The following CSMD1 variants were observed in gnomAD, a reference collection of about 807,000 sequenced individuals.
CSMD1 encodes the protein CUB and Sushi multiple domains 1.
Under a neutral mutation model 417.5 loss-of-function variants are expected in CSMD1, and 213 were observed. The observed-to-expected ratio is 0.51, with a 90% CI of 0.46 to 0.57. The LOEUF is 0.57. Among genes scored for constraint, CSMD1 ranks in the 20% least tolerant of loss-of-function variants. The pLI is 0.00. For synonymous variants in CSMD1, 2,862 were observed against 1,736.8 expected (o/e 1.65, Z -16.11); for missense variants, 6,923 against 4,529.7 (o/e 1.53, Z -15.17).
In CSMD1 at chr8:3,998,075, T is replaced by G. The variant is rs1309353139; in HGVS notation, c.646A>C (p.Ser216Arg). 1 of 1,587,130 alleles carries G rather than the reference T, an allele frequency of 6.3e-7. No homozygotes were observed. The highest frequency in any genetic ancestry group is 2.3e-5 in the East Asian group (1 of 43,678). Residue 216 changes from serine to arginine, a missense_variant, in exon 5 of 70, where the codon AGC (serine) becomes CGC (arginine). Coordinates refer to ENST00000635120, the MANE Select transcript of CSMD1 (RefSeq NM_033225.6). Reference protein sequence around the residue: ...GACGGTLRGTSSSISSPHFPS... With the variant: ...GACGGTLRGTRSSISSPHFPS... ...AAGTGCGGGCTGGAGATGGAGCTGC[T>G]GGTCCCGCGTAAGGTTCCTCCGCAG...
chr8:3,332,856 C>G (rs1484729056), intron 23 of CSMD1, among the ~76,000 whole-genome samples: 2 of 152,186 alleles, frequency 1.3e-5, no homozygotes, highest in Non-Finnish European at 2.9e-5. Context: ...AGTGTGGGCA[C>G]AGTCTGTGAC....
intron 5 of CSMD1, among the ~76,000 whole-genome samples, chr8:3,972,894 T>G (rs1393547086): frequency 6.6e-6 from 1 of 152,074 alleles, no homozygotes; most frequent in East Asian, 1.9e-4. Flanking sequence ...CATCAAAATG[T>G]AAAAATGGAA....
At chr8:4,819,101 T>C (rs1799373447) in intron 1 of CSMD1, among the ~76,000 whole-genome samples, 1 of 152,242 alleles carries the variant, frequency 6.6e-6, no homozygotes, top group Admixed American at 6.5e-5. Context: ...CACTTGCTGC[T>C]ATTCTATCGA....
chr8:3,882,518 C>T (rs868460874), intron 5 of CSMD1, among the ~76,000 whole-genome samples: 2 of 152,192 alleles, frequency 1.3e-5, no homozygotes, highest in South Asian at 2.1e-4. Flanking sequence ...CGGTTGAGCA[C>T]ATGCATACAC....
At chr8:3,894,709 A>G (rs1290615786) in intron 5 of CSMD1, among the ~76,000 whole-genome samples, 1 of 152,200 alleles carries the variant, frequency 6.6e-6, no homozygotes, top group Admixed American at 6.5e-5. Context: ...GCCTCCAACT[A>G]TATGAATTAG....
intron 7 of CSMD1, among the ~76,000 whole-genome samples, chr8:3,676,262 G>A (rs1310314011): frequency 6.6e-6 from 1 of 152,058 alleles, no homozygotes; most frequent in East Asian, 1.9e-4. Context: ...TTTGATCCCT[G>A]GCCCTAAGTA....
At chr8:4,934,514 G>C (rs1308885546) in intron 1 of CSMD1, among the ~76,000 whole-genome samples, 1 of 152,074 alleles carries the variant, frequency 6.6e-6, no homozygotes, top group African/African-American at 2.4e-5. Flanking sequence ...GAGAGCTTCC[G>C]GGGCTTTGAG....
At chr8:4,446,343 T>C (rs1486392844) in intron 2 of CSMD1, among the ~76,000 whole-genome samples, 1 of 151,768 alleles carries the variant, frequency 6.6e-6, no homozygotes, top group Non-Finnish European at 1.5e-5. Flanking sequence ...AGCCCAGGAG[T>C]TTGAAACCAG....
intron 2 of CSMD1, among the ~76,000 whole-genome samples, chr8:4,527,265 T>G (rs2130433064): frequency 6.6e-6 from 1 of 152,330 alleles, no homozygotes; most frequent in Non-Finnish European, 1.5e-5. Context: ...GAGTCTTTTT[T>G]GTAGCATTTA....
intron 3 of CSMD1, among the ~76,000 whole-genome samples, chr8:4,065,122 G>C (rs969244071): frequency 1.3e-4 from 20 of 152,102 alleles, no homozygotes; most frequent in African/African-American, 4.8e-4. Context: ...TCTAGTTTAT[G>C]TTTTTAGAGT....
Position 3,775,781 on chromosome 8 carries a change from C to T in CSMD1, c.819-21739G>A, listed in dbSNP as rs997051265. 5.3e-5 allele frequency among the ~76,000 whole-genome samples: 8 copies of T among 152,196 alleles called. No homozygotes were observed. The South Asian group carries it at 8.3e-4, about 16-fold the overall frequency. On this transcript the variant is annotated intron_variant, in intron 5 of 69. Coordinates refer to ENST00000635120, the MANE Select transcript of CSMD1 (RefSeq NM_033225.6). ...ACTGCCTTAATCTACAAAAGGTCCA[C>T]GAAGCATTGCTGGGTGCTGATGTCA...
At chr8:3,890,254 C>T (rs1806870449) in intron 5 of CSMD1, among the ~76,000 whole-genome samples, 1 of 152,008 alleles carries the variant, frequency 6.6e-6, no homozygotes, top group African/African-American at 2.4e-5. Flanking sequence ...TTCAAACTTG[C>T]AAAGAAACAT....
chr8:3,115,072 G>T (rs1816781253), intron 42 of CSMD1, among the ~76,000 whole-genome samples: 2 of 151,858 alleles, frequency 1.3e-5, no homozygotes, highest in Admixed American at 1.3e-4. Context: ...GATTAATTAG[G>T]TCAGCAAAAT....
chr8:3,872,367 G>A (rs187003674), intron 5 of CSMD1, among the ~76,000 whole-genome samples: 1 of 152,296 alleles, frequency 6.6e-6, no homozygotes. Flanking sequence ...GTGTTGGCAA[G>A]ATGTCCCTGC....
chr8:4,355,712 G>A (rs569326705), intron 3 of CSMD1, among the ~76,000 whole-genome samples: 55 of 152,130 alleles, frequency 3.6e-4, no homozygotes, highest in Non-Finnish European at 5.4e-4. Flanking sequence ...CAAGTTAAGG[G>A]TCCAGCAATG....
intron 50 of CSMD1, among the ~76,000 whole-genome samples, chr8:3,031,673 C>T (rs916581828): frequency 6.6e-6 from 1 of 151,884 alleles, no homozygotes; most frequent in Non-Finnish European, 1.5e-5. Flanking sequence ...GCTGGGATTA[C>T]AGGTATGAGC....
At chr8:4,795,190 C>G (rs1797908217) in intron 1 of CSMD1, among the ~76,000 whole-genome samples, 1 of 146,356 alleles carries the variant, frequency 6.8e-6, no homozygotes, top group Non-Finnish European at 1.5e-5. Context: ...TGAAAAGACG[C>G]TTAACCAGCT....
intron 10 of CSMD1, among the ~76,000 whole-genome samples, chr8:3,533,112 G>A (rs1329118871): frequency 1.3e-5 from 2 of 152,156 alleles, no homozygotes; most frequent in South Asian, 2.1e-4. Context: ...TGGCATGAAG[G>A]AAAAGCATGA....
At chr8:3,929,937 C>G (rs1024808319) in intron 5 of CSMD1, among the ~76,000 whole-genome samples, 1 of 150,332 alleles carries the variant, frequency 6.7e-6, no homozygotes, top group Non-Finnish European at 1.5e-5. Context: ...GCTGGGATTA[C>G]AGGCCTCATG....
Sources: gnomAD v4.1 joint callset for allele counts (sites outside exome capture counted in the v4.1 genomes callset) on GRCh38, gnomAD v4.1.1 for gene constraint, MANE v1.5 for transcripts, NCBI Gene and HGNC (gene_info 2026-07-23, HGNC 2026-07-21) for gene names.